Variants in SRRM1 observed in about 807,000 individuals in gnomAD.
SRRM1 encodes serine and arginine repetitive matrix 1.
A neutral mutation model predicts 110.2 loss-of-function variants in SRRM1; 19 were observed. That is an observed-to-expected ratio of 0.17 (90% CI 0.12 to 0.25). SRRM1 has a LOEUF of 0.25. Ranked by LOEUF, SRRM1 falls within the 10% of genes least tolerant of loss-of-function variation. The pLI is 1.00. For missense variants in SRRM1, 918 were observed against 1,145.8 expected (o/e 0.80, Z 2.87); for synonymous variants, 443 against 414.9 (o/e 1.07, Z -0.82).
rs10555916 is a variant in SRRM1 at position 24,663,878 on chromosome 1, A to AAATAATAATAAT, written c.1628+1101_1628+1112dup. On this transcript the variant is annotated intron_variant, in intron 12 of 16. Coordinates refer to ENST00000323848, the MANE Select transcript of SRRM1 (RefSeq NM_005839.4). Reference sequence around the variant, plus strand: ...GCAACAGAGCTAAATTCCCTCTCAAAAATAATAATAATAATAATAATAATA... The same window carrying AAATAATAATAAT: ...GCAACAGAGCTAAATTCCCTCTCAAAAATAATAATAATAATAATAATAATAATAATAATAATA... Among the ~76,000 whole-genome samples the AAATAATAATAAT allele has an allele frequency of 3.2e-3, 458 of 141,504 alleles. 13 individuals are homozygous for AAATAATAATAAT. The East Asian group carries it at 0.038, about 12-fold the overall frequency. The allele number at this position is 141,504 out of a possible 152,430, so 92.8% of individuals were successfully genotyped here.
chr1:24,645,666 C>G (rs1002626304), intron 1 of SRRM1, among the ~76,000 whole-genome samples: 1 of 152,138 alleles, frequency 6.6e-6, no homozygotes, highest in African/African-American at 2.4e-5. Flanking sequence ...AAAAGCCCTA[C>G]GTATCTATTA....
intron 8 of SRRM1, chr1:24,654,330 G>C (rs1392738929): frequency 2.3e-6 from 3 of 1,289,712 alleles, no homozygotes; most frequent in Non-Finnish European, 2.0e-6. Context: ...TTCCGCCAAA[G>C]GTGAATTCTG....
At chr1:24,645,261 A>ATTT (rs978892911) in intron 1 of SRRM1, among the ~76,000 whole-genome samples, 19 of 152,030 alleles carry the variant, frequency 1.2e-4, no homozygotes, top group Non-Finnish European at 2.5e-4. Context: ...CTCAAACAAA[A>ATTT]TTTTTTTTGA....
intron 11 of SRRM1, among the ~76,000 whole-genome samples, chr1:24,661,649 A>G (rs376700441): frequency 9.2e-5 from 14 of 152,244 alleles, no homozygotes; most frequent in African/African-American, 3.4e-4. Context: ...TTGGAAACGT[A>G]TCATTCTTTT....
intron 11 of SRRM1, among the ~76,000 whole-genome samples, chr1:24,661,749 G>A (rs1320283988): frequency 6.6e-6 from 1 of 152,110 alleles, no homozygotes; most frequent in Non-Finnish European, 1.5e-5. Context: ...CTGTAGATAT[G>A]TTGCCTCACT....
chr1:24,661,236 A>C, intron 10 of SRRM1, 74 bp from the exon 11 acceptor site: 1 of 1,044,032 alleles, frequency 9.6e-7, no homozygotes, highest in South Asian at 1.4e-5. Context: ...TTGAGAGACT[A>C]TTTTCCTATT....
At chr1:24,646,551 C>G (rs977220096) in intron 2 of SRRM1, 116 bp from the exon 3 acceptor site, 19 of 782,554 alleles carry the variant, frequency 2.4e-5, no homozygotes, top group Non-Finnish European at 3.3e-5. Context: ...TTAGCAGATT[C>G]TACTATGCCA....
At chr1:24,671,780 T>G (rs1158116903) in intron 16 of SRRM1, among the ~76,000 whole-genome samples, 185 bp downstream of exon 16, 1 of 152,036 alleles carries the variant, frequency 6.6e-6, no homozygotes, top group Non-Finnish European at 1.5e-5. Flanking sequence ...ATATCAGTTG[T>G]GCAGCGATCC....
intron 12 of SRRM1, among the ~76,000 whole-genome samples, chr1:24,664,749 GGCT>G (rs1196006714): frequency 6.6e-6 from 1 of 152,148 alleles, no homozygotes; most frequent in Non-Finnish European, 1.5e-5. Context: ...AGATTAGTTT[GGCT>G]GCTAAAGCAT....
At chr1:24,665,716 A>G (rs1486868429) in intron 12 of SRRM1, among the ~76,000 whole-genome samples, 1 of 152,102 alleles carries the variant, frequency 6.6e-6, no homozygotes, top group Non-Finnish European at 1.5e-5. Flanking sequence ...CTGTCTCAAG[A>G]AAAGAAGGGG....
At chr1:24,652,336 GAA>G in intron 6 of SRRM1, 96 bp from the exon 7 acceptor site, 2 of 882,152 alleles carry the variant, frequency 2.3e-6, no homozygotes, top group Non-Finnish European at 3.3e-6. Flanking sequence ...TGTGAATTTT[GAA>G]AAGTTTTAGA....
In SRRM1 at chr1:24,670,186, T is replaced by C; in HGVS notation, c.2271T>C (p.Pro757=). The C allele has an allele frequency of 6.2e-7, 1 of 1,614,086 alleles. No homozygotes were observed. Among genetic ancestry groups the C allele is most frequent in the Non-Finnish European group, 8.5e-7 (1 of 1,179,998 alleles). The change falls in exon 15 of 17, where the codon CCT becomes CCC. Residue 757 remains proline (P), a synonymous_variant. Coordinates refer to ENST00000323848, the MANE Select transcript of SRRM1 (RefSeq NM_005839.4). ...CCTCCCGATCTGTCTCCGGGTCTCCTGAGCCAGCAGCTAAAAAGCCCCCAG... is the reference window on the plus strand; with the variant it reads ...CCTCCCGATCTGTCTCCGGGTCTCCCGAGCCAGCAGCTAAAAAGCCCCCAG... ...VSSSRSVSGS[P]EPAAKKPPAP...
At chr1:24,652,051 T>TATATATATATATATATATATAC (rs1661163184) in intron 6 of SRRM1, among the ~76,000 whole-genome samples, 1 of 133,576 alleles carries the variant, frequency 7.5e-6, no homozygotes, top group Non-Finnish European at 1.6e-5. Context: ...TATATATATA[T>TATATATATATATATATATATAC]ATATATATAT....
At chr1:24,668,927 T>C (rs1014235935) in intron 13 of SRRM1, among the ~76,000 whole-genome samples, 196 bp from the exon 14 acceptor site, 1 of 151,978 alleles carries the variant, frequency 6.6e-6, no homozygotes, top group African/African-American at 2.4e-5. Flanking sequence ...CTGCAGACAG[T>C]GTCCTGTGTT....
intron 8 of SRRM1, chr1:24,654,346 A>T: frequency 3.1e-6 from 4 of 1,289,796 alleles, no homozygotes; most frequent in Non-Finnish European, 4.0e-6. Context: ...TTCTGCAGGT[A>T]CACATAATTG....
At position 24,661,307 on chromosome 1, in the gene SRRM1, C is replaced by T. The variant is rs2148584175; in HGVS notation, c.1397-3C>T. On this transcript the variant is annotated splice_polypyrimidine_tract_variant and splice_region_variant and intron_variant, in intron 10 of 16. Transcript: ENST00000323848. ...ACACTTTCTAAATGCATCCATCTTTCAGAAGAAGATAAAGGTGGCAAAATG... is the reference window on the plus strand; with the variant it reads ...ACACTTTCTAAATGCATCCATCTTTTAGAAGAAGATAAAGGTGGCAAAATG... 1 of 1,608,348 alleles carries T rather than the reference C, an allele frequency of 6.2e-7. No individual in the cohort carries two copies. The highest frequency in any genetic ancestry group is 8.5e-7 in the Non-Finnish European group (1 of 1,176,256).
chr1:24,664,242 C>T (rs1051781739), intron 12 of SRRM1, among the ~76,000 whole-genome samples: 9 of 152,212 alleles, frequency 5.9e-5, no homozygotes, highest in East Asian at 5.8e-4. Context: ...GTGATCCACC[C>T]GCCTCGGCCT....
rs780272183 is a variant in SRRM1, at chr1:24,666,812, T to C, written c.1629-3T>C. 1 of 1,611,502 alleles carries C rather than the reference T, an allele frequency of 6.2e-7. No homozygotes were observed. Among genetic ancestry groups the C allele is most frequent in the Non-Finnish European group, 8.5e-7 (1 of 1,178,002 alleles). ...AAATTAACTATAATTCTTCTTGGTT[T>C]AGTGGTAGACGGAGGAGAAGTCCAT... On this transcript the variant is annotated splice_polypyrimidine_tract_variant and splice_region_variant and intron_variant, in intron 12 of 16. Coordinates refer to ENST00000323848, the MANE Select transcript of SRRM1 (RefSeq NM_005839.4).
intron 1 of SRRM1, among the ~76,000 whole-genome samples, chr1:24,645,618 G>GAA (rs1165813243): frequency 1.3e-5 from 2 of 152,180 alleles, no homozygotes; most frequent in Non-Finnish European, 2.9e-5. Context: ...AAAAAAGAAT[G>GAA]AAATTTCAAA....
Sources: allele counts gnomAD v4.1 joint callset (sites outside exome capture counted in the v4.1 genomes callset), GRCh38; gene constraint gnomAD v4.1.1; transcripts MANE v1.5; gene names NCBI Gene and HGNC (gene_info 2026-07-23, HGNC 2026-07-21).